RERE: variants seen among roughly 807,000 people sequenced by gnomAD.
RERE encodes arginine-glutamic acid dipeptide repeats, also known as arginine-glutamic acid dipeptide repeats protein.
In RERE, 40 loss-of-function variants were observed where a neutral mutation model predicts 146.1. The ratio of observed to expected loss-of-function variants is 0.27; its 90% CI spans 0.21 to 0.36. The LOEUF is 0.36. Among genes scored for constraint, RERE ranks in the 10% least tolerant of loss-of-function variants. The probability of loss-of-function intolerance (pLI) is 1.00; values close to 1 mark genes in which losing one functional copy is unlikely to be tolerated. For missense variants in RERE, 1,933 were observed against 2,138.7 expected (o/e 0.90, Z 1.90); for synonymous variants, 1,003 against 866.0 (o/e 1.16, Z -2.78).
chr1:8,432,547 AAAC>A (rs1165176215), intron 11 of RERE, among the ~76,000 whole-genome samples: 9 of 152,330 alleles, frequency 5.9e-5, no homozygotes, highest in Admixed American at 2.0e-4. Flanking sequence ...CTTCTCTGAA[AAAC>A]AACAATTCCT....
intron 19 of RERE, 56 bp from the exon 20 acceptor site, chr1:8,358,972 G>C: frequency 6.7e-7 from 1 of 1,485,450 alleles, no homozygotes; most frequent in Non-Finnish European, 8.9e-7. Flanking sequence ...GTCTCCGCTT[G>C]GTCCACACTG....
intron 1 of RERE, among the ~76,000 whole-genome samples, chr1:8,764,563 T>A (rs1394297113): frequency 6.6e-6 from 1 of 152,186 alleles, no homozygotes; most frequent in East Asian, 1.9e-4. Context: ...GTGGGCTGAA[T>A]GCAAACAGCC....
At chr1:8,632,393 A>G (rs1647046099) in intron 2 of RERE, among the ~76,000 whole-genome samples, 1 of 152,214 alleles carries the variant, frequency 6.6e-6, no homozygotes, top group Non-Finnish European at 1.5e-5. Flanking sequence ...GATTCAACCA[A>G]TTTACAGGGC....
chr1:8,788,250 C>A (rs1248443053), intron 1 of RERE, among the ~76,000 whole-genome samples: 1 of 151,718 alleles, frequency 6.6e-6, no homozygotes, highest in African/African-American at 2.4e-5. Context: ...AAACATAATA[C>A]AACCATGTTA....
At chr1:8,526,147 G>C in intron 7 of RERE, 1 of 864,638 alleles carries the variant, frequency 1.2e-6, no homozygotes, top group Non-Finnish European at 1.4e-6. Context: ...GGGGATCCAA[G>C]ACAGCCAACA....
intron 4 of RERE, among the ~76,000 whole-genome samples, chr1:8,583,540 T>A (rs1014075764): frequency 2.0e-4 from 31 of 152,294 alleles, no homozygotes; most frequent in African/African-American, 7.5e-4. Context: ...CCAGAGACCT[T>A]GCAGGGCTAA....
intron 4 of RERE, among the ~76,000 whole-genome samples, chr1:8,586,678 T>A (rs1646431677): frequency 6.6e-6 from 1 of 152,214 alleles, no homozygotes; most frequent in Non-Finnish European, 1.5e-5. Flanking sequence ...AGATGCACTA[T>A]ATGAGCAGAT....
intron 1 of RERE, among the ~76,000 whole-genome samples, chr1:8,698,112 T>C (rs1569572867): frequency 2.0e-5 from 3 of 152,368 alleles, no homozygotes; most frequent in Admixed American, 2.0e-4. Flanking sequence ...ATGTTTAAAA[T>C]TATAAAGCTG....
At chr1:8,536,967 C>CT (rs1645734432) in intron 7 of RERE, among the ~76,000 whole-genome samples, 2 of 152,254 alleles carry the variant, frequency 1.3e-5, no homozygotes, top group South Asian at 4.1e-4. Flanking sequence ...CTTTGGGAAG[C>CT]TGAGGAGGGA....
At chr1:8,635,162 A>C (rs1647082020) in intron 2 of RERE, among the ~76,000 whole-genome samples, 1 of 152,138 alleles carries the variant, frequency 6.6e-6, no homozygotes, top group South Asian at 2.1e-4. Context: ...TTTTACAACT[A>C]TTCAACAGGT....
chr1:8,651,106 A>C (rs949106595), intron 2 of RERE, among the ~76,000 whole-genome samples: 1 of 151,820 alleles, frequency 6.6e-6, no homozygotes, highest in Non-Finnish European at 1.5e-5. Context: ...AAAAAAAAAA[A>C]TCTACCATTT....
chr1:8,402,703 T>C (rs1643304996), intron 12 of RERE, among the ~76,000 whole-genome samples: 1 of 152,202 alleles, frequency 6.6e-6, no homozygotes, highest in Admixed American at 6.5e-5. Context: ...AATGTTTCCT[T>C]CTTAGATCGT....
chr1:8,633,930 G>C (rs1326043214), intron 2 of RERE, among the ~76,000 whole-genome samples: 1 of 151,916 alleles, frequency 6.6e-6, no homozygotes, highest in East Asian at 1.9e-4. Context: ...CTCTGTCAAA[G>C]AAAGAAAAGA....
At chr1:8,527,491 G>A (rs2124357063) in intron 7 of RERE, among the ~76,000 whole-genome samples, 1 of 151,982 alleles carries the variant, frequency 6.6e-6, no homozygotes, top group African/African-American at 2.4e-5. Context: ...TTTACTTGAA[G>A]AAATCAACAC....
intron 1 of RERE, among the ~76,000 whole-genome samples, chr1:8,811,096 C>T (rs751257213): frequency 6.6e-5 from 10 of 152,220 alleles, no homozygotes; most frequent in African/African-American, 9.6e-5. Context: ...CAGTGGCTCA[C>T]GCCTAGAATC....
intron 4 of RERE, among the ~76,000 whole-genome samples, chr1:8,577,162 C>CAAA (rs1044225948): frequency 1.7e-5 from 2 of 117,452 alleles, no homozygotes; most frequent in African/African-American, 3.2e-5. Flanking sequence ...GAGAGAGACT[C>CAAA]AAAAAAAAAA....
At chr1:8,730,696 T>C (rs2124486593) in intron 1 of RERE, among the ~76,000 whole-genome samples, 1 of 152,306 alleles carries the variant, frequency 6.6e-6, no homozygotes, top group South Asian at 2.1e-4. Context: ...TGGTGTACAG[T>C]GGTGCAATCA....
rs376697489 is a variant in RERE, at chr1:8,728,184, G to C, written c.-144-71743C>G. ...AACCAAGACCTGCGGTAGCTGCAAA[G>C]CACAAACACCAGTATCCACTTTTAC... On this transcript the variant is annotated intron_variant, in intron 1 of 22. Coordinates refer to ENST00000400908, the MANE Select transcript of RERE (RefSeq NM_001042681.2). Among the ~76,000 whole-genome samples the C allele has an allele frequency of 3.8e-3, 580 of 152,304 alleles. 6 individuals are homozygous for C. Among genetic ancestry groups the C allele is most frequent in the African/African-American group, 0.013 (546 of 41,562 alleles).
intron 2 of RERE, among the ~76,000 whole-genome samples, chr1:8,653,754 G>T (rs1647766088): frequency 6.8e-6 from 1 of 147,866 alleles, no homozygotes. Flanking sequence ...TGATTTAGAT[G>T]TGCGTACGCC....
Sources: gnomAD v4.1 joint callset for allele counts (sites outside exome capture counted in the v4.1 genomes callset) on GRCh38, gnomAD v4.1.1 for gene constraint, MANE v1.5 for transcripts, NCBI Gene and HGNC (gene_info 2026-07-23, HGNC 2026-07-21) for gene names.